Variants in MRPL46 observed in about 807,000 individuals in gnomAD.
MRPL46 encodes mitochondrial ribosomal protein L46, also known as large ribosomal subunit protein mL46.
Under a neutral mutation model 31.0 loss-of-function variants are expected in MRPL46, and 26 were observed. The ratio of observed to expected loss-of-function variants is 0.84; its 90% CI spans 0.61 to 1.16. MRPL46 has a LOEUF of 1.16. MRPL46 is among the 50% of genes most tolerant of loss of function. The pLI, the probability that MRPL46 is intolerant of heterozygous loss-of-function variation, is 0.00. For synonymous variants in MRPL46, 159 were observed against 141.3 expected (o/e 1.13, Z -0.89); for missense variants, 395 against 340.0 (o/e 1.16, Z -1.27).
At chr15:88,467,047 A>C in intron 1 of MRPL46, 103 bp downstream of exon 1, 1 of 1,303,082 alleles carries the variant, frequency 7.7e-7, no homozygotes, top group African/African-American at 1.5e-5. Flanking sequence ...GGTAGGTACC[A>C]TTCTGCGGAT....
At position 88,459,798 on chromosome 15, in the gene MRPL46, G is replaced by C; in HGVS notation, c.655C>G (p.Gln219Glu). The part of the protein sequence containing the change: ...PCGHYTFKFP[Q>E]AMRTESNLGA... Reference sequence around the variant, plus strand: ...AGGTTACTCTCTGTCCGCATTGCCTGGGGGAACTTGAATGTGTAGTGCCCA... The same window carrying C: ...AGGTTACTCTCTGTCCGCATTGCCTCGGGGAACTTGAATGTGTAGTGCCCA... Residue 219 changes from glutamine (Q) to glutamate (E), a missense_variant, in exon 4 of 4, where the codon CAG becomes GAG. By Grantham distance (29) the Gln-to-Glu change is conservative (BLOSUM62 2). Transcript: ENST00000312475. The C allele has an allele frequency of 6.2e-7, 1 of 1,614,178 alleles. No individual in the cohort carries two copies. Among genetic ancestry groups the C allele is most frequent in the Non-Finnish European group, 8.5e-7 (1 of 1,180,026 alleles).
intron 3 of MRPL46, chr15:88,462,614 T>C (rs1254469212): frequency 6.6e-6 from 1 of 152,212 alleles, no homozygotes; most frequent in Non-Finnish European, 1.5e-5. Flanking sequence ...AAAACGTCAA[T>C]TGTTATATAC....
In MRPL46 at chr15:88,467,176, C is replaced by T. The variant is rs147896985; in HGVS notation, c.202G>A (p.Glu68Lys). The part of the protein sequence containing the change: ...VVSKPLTPLQ[E>K]EMASLLQQIE... ...TGCTGCAGTAGAGACGCCATCTCTT[C>T]CTGCAATGGGGTCAACGGCTTGGAG... The change falls in exon 1 of 4, where the codon GAA becomes AAA. Residue 68 changes from glutamate to lysine, a missense_variant. Glu to Lys is a moderately conservative substitution (Grantham distance 56). Transcript: ENST00000312475. 8,351 of 1,614,078 alleles carry T rather than the reference C, an allele frequency of 5.2e-3. 92 individuals are homozygous for T. The highest frequency in any genetic ancestry group is 0.038 in the African/African-American group (2,857 of 75,050).
chr15:88,460,615 C>G (rs145938169), intron 3 of MRPL46: 1 of 152,202 alleles, frequency 6.6e-6, no homozygotes, highest in Non-Finnish European at 1.5e-5. Flanking sequence ...ATACTCAGTC[C>G]TCACAATAAA....
At chr15:88,466,542 A>G (rs1279948426) in intron 1 of MRPL46, among the ~76,000 whole-genome samples, 1 of 152,238 alleles carries the variant, frequency 6.6e-6, no homozygotes, top group Non-Finnish European at 1.5e-5. Context: ...TAGGTTGAGT[A>G]ACAAATATTT....
Position 88,459,817 on chromosome 15 carries a change from G to A in MRPL46, c.636C>T (p.His212=). Residue 212 remains histidine (H), a synonymous_variant, in exon 4 of 4, where the codon CAC becomes CAT. Transcript: ENST00000312475. ...AKFLGNAPCG[H]YTFKFPQAMR... ...TTGCCTGGGGGAACTTGAATGTGTA[G>A]TGCCCACAGGGTGCATTTCCTAGGA... 1 of 1,614,198 alleles carries A rather than the reference G, an allele frequency of 6.2e-7. No homozygotes were observed. Among genetic ancestry groups the A allele is most frequent in the Non-Finnish European group, 8.5e-7 (1 of 1,180,036 alleles).
In MRPL46 at chr15:88,465,835, A is replaced by G. The variant is rs566901725; in HGVS notation, c.229-62T>C. On this transcript the variant is annotated intron_variant, in intron 1 of 3. Transcript: ENST00000312475. ...TGGCAAAATTAAAAGGAAAAAAAAA[A>G]CAGGAAGAATAAAACAGAGACATGG... The G allele has an allele frequency of 2.0e-5, 29 of 1,454,246 alleles. No homozygotes were observed. The African/African-American group carries it at 3.3e-4, about 17-fold the overall frequency. The allele number at this position is 1,454,246 out of a possible 1,614,324, so 90.1% of individuals were successfully genotyped here. A position where few individuals can be genotyped will look rare whatever the true frequency, so the allele number is the denominator to read the frequency against.
chr15:88,466,943 T>C (rs781409868), intron 1 of MRPL46, among the ~76,000 whole-genome samples: 5 of 152,148 alleles, frequency 3.3e-5, no homozygotes, highest in Non-Finnish European at 7.4e-5. Flanking sequence ...AGAAGTAGAG[T>C]ATCTCCAAAG....
rs533855438 is a variant in MRPL46 at position 88,462,518 on chromosome 15, T to C, written c.589+2185A>G. 2.0e-5 allele frequency: 3 copies of C among 152,354 alleles called. 1 individual carries two copies. Among genetic ancestry groups the C allele is most frequent in the African/African-American group, 4.8e-5 (2 of 41,574 alleles). The allele number at this position is 152,354 out of a possible 1,614,324, so 9.4% of individuals were successfully genotyped here. A position where few individuals can be genotyped will look rare whatever the true frequency, so the allele number is the denominator to read the frequency against. On this transcript the variant is annotated intron_variant, in intron 3 of 3. Coordinates refer to ENST00000312475, the MANE Select transcript of MRPL46 (RefSeq NM_022163.4). Reference sequence around the variant, plus strand: ...GCTAATCTGAAAGAGATCATCTGACTCACTAGACGAGCAAAATTTTAAAAG... The same window carrying C: ...GCTAATCTGAAAGAGATCATCTGACCCACTAGACGAGCAAAATTTTAAAAG...
intron 3 of MRPL46, chr15:88,460,835 A>C (rs1050365380): frequency 3.3e-5 from 5 of 152,130 alleles, no homozygotes; most frequent in African/African-American, 1.2e-4. Flanking sequence ...TCCTGGGTTC[A>C]AAGGATTCTC....
chr15:88,464,848 G>A lies in MRPL46; in HGVS notation c.444C>T (p.Ser148=). 2 of 1,614,008 alleles carry A rather than the reference G, an allele frequency of 1.2e-6. No homozygotes were observed. ...GGTTCCTGTCTAGCTTCCTGTTCAG[G>A]GATGTTCGGTCATTCTTTTCATCAG... ...TEADEKNDRT[S]LNRKLDRNLV... is the part of the protein sequence containing the mutation. Residue 148 remains serine (S), a synonymous_variant, in exon 3 of 4, where the codon TCC becomes TCT. Coordinates refer to ENST00000312475, the MANE Select transcript of MRPL46 (RefSeq NM_022163.4).
Position 88,459,832 on chromosome 15 carries a change from A to C in MRPL46, c.621T>G (p.Asn207Lys). The C allele has an allele frequency of 6.2e-7, 1 of 1,614,168 alleles. No individual in the cohort carries two copies. The highest frequency in any genetic ancestry group is 8.5e-7 in the Non-Finnish European group (1 of 1,180,028). The change falls in exon 4 of 4, where the codon AAT becomes AAG. Residue 207 changes from asparagine to lysine, a missense_variant. Transcript: ENST00000312475. ...ENNMEAKFLG[N>K]APCGHYTFKF... ...TGAATGTGTAGTGCCCACAGGGTGC[A>C]TTTCCTAGGAACTTGGCTTCCATGT...
chr15:88,463,913 G>A lies in MRPL46; in HGVS notation c.589+790C>T, dbSNP rs1056498284. ...TTTTAAGAATTCCATGCAGAGAAGT[G>A]ACAAGGGATGTGTGTTTCAGAAAGC... On this transcript the variant is annotated intron_variant, in intron 3 of 3. Coordinates refer to ENST00000312475, the MANE Select transcript of MRPL46 (RefSeq NM_022163.4). This position sits in a 1 kb window ranked among gnomAD's most constrained non-coding sequence, Gnocchi z 5.4. 3.3e-5 allele frequency: 5 copies of A among 152,186 alleles called. No individual in the cohort carries two copies. Among genetic ancestry groups the A allele is most frequent in the African/African-American group, 1.2e-4 (5 of 41,428 alleles). 9.4% of individuals were successfully genotyped at this position (152,186 alleles called of 1,614,324 possible). A position where few individuals can be genotyped will look rare whatever the true frequency, so the allele number is the denominator to read the frequency against.
Position 88,459,510 on chromosome 15 carries a change from G to A in MRPL46, c.*103C>T. ...AGACTCGTTTATTTCTCAGAATTTA[G>A]TTTGCTGCTTGATATTACCTGCAAA... On this transcript the variant is annotated 3_prime_UTR_variant, in exon 4 of 4. Transcript: ENST00000312475. 6.6e-7 allele frequency: 1 copy of A among 1,518,154 alleles called. No individual in the cohort carries two copies. The highest frequency in any genetic ancestry group is 8.9e-7 in the Non-Finnish European group (1 of 1,117,958). The allele number at this position is 1,518,154 out of a possible 1,614,324, so 94.0% of individuals were successfully genotyped here.
chr15:88,459,796 C>CT lies in MRPL46; in HGVS notation c.656dup (p.Ala220GlyfsTer7). ...CGAGGTTACTCTCTGTCCGCATTGC[C>CT]TGGGGGAACTTGAATGTGTAGTGCC... On this transcript the variant is annotated frameshift_variant, in exon 4 of 4. Coordinates refer to ENST00000312475, the MANE Select transcript of MRPL46 (RefSeq NM_022163.4). LOFTEE classifies it high-confidence loss of function. The CT allele has an allele frequency of 6.2e-7, 1 of 1,614,204 alleles. No individual in the cohort carries two copies. Among genetic ancestry groups the CT allele is most frequent in the East Asian group, 2.2e-5 (1 of 44,876 alleles).
Position 88,467,260 on chromosome 15 carries a change from T to G in MRPL46, c.118A>C (p.Ser40Arg), listed in dbSNP as rs2055552921. Reference protein sequence around the residue: ...RSLALAAAPSSNGSPWRLLGA... With the variant: ...RSLALAAAPSRNGSPWRLLGA... ...AACAAGCGCCATGGGGATCCGTTGC[T>G]TGAGGGTGCGGCTGCAAGAGCCAGG... Residue 40 changes from serine (S) to arginine (R), a missense_variant, in exon 1 of 4, where the codon AGC becomes CGC. By Grantham distance (110) the Ser-to-Arg change is moderately radical (BLOSUM62 -1). Coordinates refer to ENST00000312475, the MANE Select transcript of MRPL46 (RefSeq NM_022163.4). The G allele has an allele frequency of 6.8e-6, 11 of 1,614,050 alleles. No homozygotes were observed. The East Asian group carries it at 2.5e-4, about 36-fold the overall frequency.
At chr15:88,460,882 T>G (rs1178658732) in intron 3 of MRPL46, 1 of 152,210 alleles carries the variant, frequency 6.6e-6, no homozygotes, top group Non-Finnish European at 1.5e-5. Context: ...ATTACAGGCA[T>G]GTGCCACCAC....
intron 3 of MRPL46, chr15:88,462,894 T>C (rs2055490300): frequency 6.6e-6 from 1 of 152,252 alleles, no homozygotes; most frequent in South Asian, 2.1e-4. Flanking sequence ...AACATAAATA[T>C]GTGTTTTAAT....
intron 3 of MRPL46, chr15:88,462,080 G>A (rs2055482277): frequency 6.6e-6 from 1 of 151,926 alleles, no homozygotes; most frequent in African/African-American, 2.4e-5. Flanking sequence ...TCTGAAAAAG[G>A]AAAATTACAT....
Sources: allele counts gnomAD v4.1 joint callset (sites outside exome capture counted in the v4.1 genomes callset), GRCh38; gene constraint gnomAD v4.1.1; non-coding constraint Gnocchi (gnomAD v3.1); transcripts MANE v1.5; gene names NCBI Gene and HGNC (gene_info 2026-07-23, HGNC 2026-07-21).